ADCY3: variants seen among roughly 807,000 people sequenced by gnomAD.
ADCY3 encodes the protein adenylate cyclase 3, also known as adenylate cyclase type 3.
A neutral mutation model predicts 119.4 loss-of-function variants in ADCY3; 70 were observed. That is an observed-to-expected ratio of 0.59 (90% CI 0.48 to 0.72). ADCY3 has a LOEUF of 0.72. Among genes scored for constraint, ADCY3 ranks in the 30% least tolerant of loss-of-function variants. The pLI is 0.00. For synonymous variants in ADCY3, 672 were observed against 621.4 expected (o/e 1.08, Z -1.21); for missense variants, 1,238 against 1,541.6 (o/e 0.80, Z 3.30).
At chr2:24,838,097 C>G (rs1670527956) in intron 8 of ADCY3, among the ~76,000 whole-genome samples, 1 of 150,086 alleles carries the variant, frequency 6.7e-6, no homozygotes, top group African/African-American at 2.5e-5. Flanking sequence ...CCTGAGCATC[C>G]ACGTCACTCC....
intron 3 of ADCY3, among the ~76,000 whole-genome samples, chr2:24,860,695 T>C (rs1172130817): frequency 6.6e-6 from 1 of 152,252 alleles, no homozygotes; most frequent in Admixed American, 6.5e-5. Flanking sequence ...CTTGAGGGAC[T>C]GTGCCGCCTC....
At chr2:24,822,749 A>G (rs986398083) in intron 18 of ADCY3, 119 bp from the exon 19 acceptor site, 19 of 1,360,074 alleles carry the variant, frequency 1.4e-5, no homozygotes, top group Non-Finnish European at 1.8e-5. Context: ...TTTCCTATCA[A>G]AGTTGTTACT....
At chr2:24,910,255 T>G (rs1322073368) in intron 2 of ADCY3, among the ~76,000 whole-genome samples, 4 of 152,160 alleles carry the variant, frequency 2.6e-5, no homozygotes, top group African/African-American at 4.8e-5. Context: ...CAGGCTGGAG[T>G]GCAGTGTCAC....
chr2:24,825,177 G>C (rs569154787), intron 16 of ADCY3, among the ~76,000 whole-genome samples: 1 of 152,146 alleles, frequency 6.6e-6, no homozygotes, highest in Non-Finnish European at 1.5e-5. Context: ...TCTAGCAGGC[G>C]CCATTTGGGT....
Position 24,905,136 on chromosome 2 carries a change from A to ATT in ADCY3, c.675+13175_675+13176dup, listed in dbSNP as rs775630835. On this transcript the variant is annotated intron_variant, in intron 2 of 21. Transcript: ENST00000679454. ...TGAATAATTGAAAGTGTGTTTTTGC[A>ATT]TTTTTTTTTTTTTTTGAGGCAGAGT... is the stretch of plus-strand genomic sequence containing the variant. Among the ~76,000 whole-genome samples, 311 of 140,048 alleles carry ATT rather than the reference A, an allele frequency of 2.2e-3. 1 individual carries two copies. Among genetic ancestry groups the ATT allele is most frequent in the African/African-American group, 7.3e-3 (278 of 38,334 alleles). 91.9% of individuals were successfully genotyped at this position (140,048 alleles called of 152,430 possible). A position where few individuals can be genotyped will look rare whatever the true frequency, so the allele number is the denominator to read the frequency against.
At position 24,872,742 on chromosome 2, in the gene ADCY3, GA is replaced by G; in HGVS notation, c.676-24del. The G allele has an allele frequency of 6.2e-7, 1 of 1,609,948 alleles. No homozygotes were observed. Among genetic ancestry groups the G allele is most frequent in the East Asian group, 2.2e-5 (1 of 44,752 alleles). ...GATCTGCACCCCAAGGAAGAAGAGA[GA>G]AAAGGCCAGGGGTGAAGGCACGTCT... On this transcript the variant is annotated intron_variant, in intron 2 of 21. Coordinates refer to ENST00000679454, the MANE Select transcript of ADCY3 (RefSeq NM_004036.5). This position sits in a 1 kb window ranked among gnomAD's most constrained non-coding sequence, Gnocchi z 4.4.
At chr2:24,832,064 CA>C (rs1669656949) in intron 11 of ADCY3, 9 of 6,982 alleles carry the variant, frequency 1.3e-3, no homozygotes, top group East Asian at 4.0e-3. Flanking sequence ...GGGAAGGGGG[CA>C]GGGGGCAGGG....
intron 2 of ADCY3, among the ~76,000 whole-genome samples, chr2:24,915,579 CGCCCAGGCTGGAGT>C (rs1034982060): frequency 1.3e-5 from 2 of 152,104 alleles, no homozygotes; most frequent in Admixed American, 1.3e-4. Flanking sequence ...CTCACTCTGT[CGCCCAGGCTGGAGT>C]GCAGTGGTGC....
chr2:24,875,743 C>T (rs772155864), intron 2 of ADCY3, among the ~76,000 whole-genome samples: 1 of 152,212 alleles, frequency 6.6e-6, no homozygotes, highest in African/African-American at 2.4e-5. Context: ...GACACAAGCA[C>T]GCACTTTATC....
intron 2 of ADCY3, among the ~76,000 whole-genome samples, chr2:24,913,300 C>T (rs6717398): frequency 0.041 from 6,011 of 145,960 alleles, 370 homozygotes; most frequent in African/African-American, 0.15. Flanking sequence ...CCACAGGGAA[C>T]ATCGTCATGG....
intron 2 of ADCY3, among the ~76,000 whole-genome samples, chr2:24,886,934 T>A (rs1002691060): frequency 6.6e-6 from 1 of 152,220 alleles, no homozygotes; most frequent in African/African-American, 2.4e-5. Context: ...AATCACCAAC[T>A]CGACAGTCCC....
chr2:24,825,168 C>G (rs1449933769), intron 16 of ADCY3, among the ~76,000 whole-genome samples: 2 of 152,132 alleles, frequency 1.3e-5, no homozygotes, highest in African/African-American at 2.4e-5. Context: ...GTCCCCCTTT[C>G]TAGCAGGCGC....
chr2:24,847,076 C>T (rs758739844), intron 3 of ADCY3, among the ~76,000 whole-genome samples: 3 of 152,122 alleles, frequency 2.0e-5, no homozygotes, highest in African/African-American at 7.2e-5. Context: ...GCTGTGTCCC[C>T]ACCCAAATCT....
At chr2:24,830,494 G>A (rs1021725014) in intron 13 of ADCY3, among the ~76,000 whole-genome samples, 3 of 152,182 alleles carry the variant, frequency 2.0e-5, no homozygotes, top group Non-Finnish European at 2.9e-5. Flanking sequence ...TGGGAGAGGA[G>A]CTTCAAGGAA....
At chr2:24,861,323 T>G (rs1673628844) in intron 3 of ADCY3, among the ~76,000 whole-genome samples, 1 of 151,998 alleles carries the variant, frequency 6.6e-6, no homozygotes, top group African/African-American at 2.4e-5. Flanking sequence ...GGCACTCAAT[T>G]CTGGAAGGAG....
At chr2:24,820,920 C>T in intron 20 of ADCY3, 72 bp from the exon 21 acceptor site, 4 of 1,578,870 alleles carry the variant, frequency 2.5e-6, no homozygotes, top group African/African-American at 1.3e-5. Flanking sequence ...GCCATCTCCT[C>T]TCCAGACCTG....
At chr2:24,913,030 A>C (rs1663987643) in intron 2 of ADCY3, among the ~76,000 whole-genome samples, 1 of 152,060 alleles carries the variant, frequency 6.6e-6, no homozygotes, top group Admixed American at 6.6e-5. Context: ...TGGACCCTCC[A>C]CTGATGCCCA....
intron 3 of ADCY3, among the ~76,000 whole-genome samples, chr2:24,845,902 C>T (rs945397432): frequency 4.6e-5 from 7 of 152,332 alleles, no homozygotes; most frequent in East Asian, 3.9e-4. Flanking sequence ...CAGCCGTGGC[C>T]GAAAGGGCCA....
intron 2 of ADCY3, among the ~76,000 whole-genome samples, chr2:24,910,227 C>T (rs576018425): frequency 1.1e-4 from 16 of 152,192 alleles, no homozygotes; most frequent in Admixed American, 2.0e-4. Flanking sequence ...TTTTTGAGAC[C>T]GGTCTTGCTC....
Sources: allele counts gnomAD v4.1 joint callset (sites outside exome capture counted in the v4.1 genomes callset), GRCh38; gene constraint gnomAD v4.1.1; non-coding constraint Gnocchi (gnomAD v3.1); transcripts MANE v1.5; gene names NCBI Gene and HGNC (gene_info 2026-07-23, HGNC 2026-07-21).